The following AS3MT variants were observed in gnomAD, a reference collection of about 807,000 sequenced individuals.
AS3MT encodes S-adenosyl-L-methionine:arsenic(III) methyltransferase.
AS3MT carries 47 observed loss-of-function variants against 45.3 expected under a neutral mutation model. The ratio of observed to expected loss-of-function variants is 1.04; its 90% CI spans 0.82 to 1.32. AS3MT has a LOEUF of 1.32. AS3MT is among the 40% of genes most tolerant of loss of function. The pLI is 0.00. For synonymous variants in AS3MT, 141 were observed against 152.8 expected, an observed-to-expected ratio of 0.92 and a Z score of 0.57; for missense variants, 396 against 451.1, an observed-to-expected ratio of 0.88 and a Z score of 1.11.
intron 9 of AS3MT, among the ~76,000 whole-genome samples, chr10:102,889,614 G>GCCTGCCTTCCTTCCTTCCTT (rs559139049): frequency 2.5e-4 from 28 of 114,050 alleles, no homozygotes; most frequent in African/African-American, 8.7e-4. Context: ...CTGTCTGCCT[G>GCCTGCCTTCCTTCCTTCCTT]CCTTCCTTCC....
chr10:102,875,144 C>A (rs936404725), intron 6 of AS3MT, among the ~76,000 whole-genome samples: 6 of 152,134 alleles, frequency 3.9e-5, no homozygotes, highest in Admixed American at 3.9e-4. Context: ...AGCTCCACAG[C>A]CTTCATTGTA....
chr10:102,898,467 G>A (rs1845217181), intron 10 of AS3MT, among the ~76,000 whole-genome samples: 1 of 152,004 alleles, frequency 6.6e-6, no homozygotes, highest in Admixed American at 6.6e-5. Flanking sequence ...GTGGTGGCGG[G>A]TGCCTGTAAT....
chr10:102,871,371 C>A (rs1163282166), intron 3 of AS3MT, among the ~76,000 whole-genome samples: 2 of 151,834 alleles, frequency 1.3e-5, no homozygotes, highest in African/African-American at 4.8e-5. Context: ...ATGGTGAAAC[C>A]CCGTCTCTAC....
chr10:102,875,838 A>G (rs12770034), intron 6 of AS3MT, among the ~76,000 whole-genome samples: 57,066 of 151,678 alleles, frequency 0.38, 10,956 homozygotes, highest in East Asian at 0.56. Flanking sequence ...GGTCAGGCTG[A>G]TCTTGAACTC....
intron 7 of AS3MT, among the ~76,000 whole-genome samples, 179 bp downstream of exon 7, chr10:102,877,214 C>A (rs2134114387): frequency 6.6e-6 from 1 of 152,352 alleles, no homozygotes; most frequent in Non-Finnish European, 1.5e-5. Flanking sequence ...TAATTCATCT[C>A]TTTGAGTTAT....
chr10:102,892,909 G>T (rs942061177), intron 10 of AS3MT, among the ~76,000 whole-genome samples: 4 of 151,864 alleles, frequency 2.6e-5, no homozygotes, highest in African/African-American at 9.7e-5. Flanking sequence ...GAGCCCGGGA[G>T]GCGGAGGTTG....
intron 10 of AS3MT, among the ~76,000 whole-genome samples, chr10:102,897,543 T>C (rs12219346): frequency 0.3 from 44,982 of 150,346 alleles, 6,989 homozygotes; most frequent in East Asian, 0.48. Flanking sequence ...GATCTTGGCT[T>C]ACTCCTCCGC....
rs1419596107 is a variant in AS3MT at position 102,900,950 on chromosome 10, G to A, written c.*250G>A. 2 of 367,838 alleles carry A rather than the reference G, an allele frequency of 5.4e-6. No individual in the cohort carries two copies. Among genetic ancestry groups the A allele is most frequent in the East Asian group, 1.1e-4 (2 of 17,748 alleles). The allele number at this position is 367,838 out of a possible 1,614,324, so 22.8% of individuals were successfully genotyped here. Reference sequence around the variant, plus strand: ...AATACAAAAAAAATTAGCTGGGCATGGTGGTGCACACCTATAGTCTCAGCT... The same window carrying A: ...AATACAAAAAAAATTAGCTGGGCATAGTGGTGCACACCTATAGTCTCAGCT... On this transcript the variant is annotated 3_prime_UTR_variant, in exon 11 of 11. Coordinates refer to ENST00000369880, the MANE Select transcript of AS3MT (RefSeq NM_020682.4).
chr10:102,900,647 A>T lies in AS3MT; in HGVS notation c.1075A>T (p.Arg359Ter), dbSNP rs1845255312. Residue 359 changes from arginine to a stop codon, truncating the protein, a stop_gained, in exon 11 of 11, where the codon AGA (arginine) becomes TGA (stop). Transcript: ENST00000369880. LOFTEE classifies it low-confidence loss of function (END_TRUNC). ...AGAAGAGTCTGACAGTATGAAGTCC[A>T]GATGTGTCCCTGATGCTGCTGGAGG... is the stretch of plus-strand genomic sequence containing the variant. ...LAEESDSMKSRCVPDAAGGCC... is the reference protein window; with the variant it reads ...LAEESDSMKS The T allele has an allele frequency of 6.2e-7, 1 of 1,614,096 alleles. No homozygotes were observed. Among genetic ancestry groups the T allele is most frequent in the Admixed American group, 1.7e-5 (1 of 59,996 alleles).
chr10:102,886,413 C>T (rs1480050628), intron 9 of AS3MT, among the ~76,000 whole-genome samples: 1 of 151,802 alleles, frequency 6.6e-6, no homozygotes, highest in Non-Finnish European at 1.5e-5. Flanking sequence ...CAACCTCCAC[C>T]TCCCGGGTTC....
intron 9 of AS3MT, among the ~76,000 whole-genome samples, chr10:102,880,424 C>G (rs925514040): frequency 6.6e-6 from 1 of 152,142 alleles, no homozygotes; most frequent in African/African-American, 2.4e-5. Context: ...CCAAAACTTT[C>G]CCTTTCCTAT....
chr10:102,892,545 C>T (rs1845087510), intron 10 of AS3MT, among the ~76,000 whole-genome samples: 2 of 152,216 alleles, frequency 1.3e-5, no homozygotes, highest in Middle Eastern at 3.4e-3. Context: ...CCATCCCAAT[C>T]ATAAAGAATT....
At chr10:102,894,468 T>A (rs1051007574) in intron 10 of AS3MT, among the ~76,000 whole-genome samples, 3 of 151,780 alleles carry the variant, frequency 2.0e-5, no homozygotes, top group African/African-American at 7.3e-5. Flanking sequence ...AATAAAATTA[T>A]AAACCCTCAA....
chr10:102,882,984 A>G (rs1283563054), intron 9 of AS3MT, among the ~76,000 whole-genome samples: 1 of 152,196 alleles, frequency 6.6e-6, no homozygotes, highest in Admixed American at 6.6e-5. Context: ...CTATTCCAGT[A>G]GATACACAGA....
Position 102,877,001 on chromosome 10 carries a change from G to T in AS3MT, c.576G>T (p.Leu192=), listed in dbSNP as rs1446276785. The T allele has an allele frequency of 6.2e-7, 1 of 1,614,166 alleles. No homozygotes were observed. Among genetic ancestry groups the T allele is most frequent in the East Asian group, 2.2e-5 (1 of 44,868 alleles). ...YFSDVYTSLE[L]PEEIRTHKVL... ...GTGACGTCTATACGAGCCTTGAACT[G>T]CCAGAAGAAATCAGGACACACAAAG... The change falls in exon 7 of 11, where the codon CTG becomes CTT. Residue 192 remains leucine (L), a synonymous_variant. Transcript: ENST00000369880.
intron 9 of AS3MT, 103 bp downstream of exon 9, chr10:102,879,094 G>A: frequency 7.6e-7 from 1 of 1,324,338 alleles, no homozygotes; most frequent in Non-Finnish European, 1.0e-6. Flanking sequence ...TTCTGGTGTT[G>A]GTTTGTTTGT....
chr10:102,871,546 CAAAAA>C (rs748797211), intron 3 of AS3MT, among the ~76,000 whole-genome samples: 23 of 23,282 alleles, frequency 9.9e-4, no homozygotes, highest in African/African-American at 4.6e-3. Flanking sequence ...GACTCCGTCT[CAAAAA>C]AAAAAAAAAA....
chr10:102,895,087 C>T (rs1845141095), intron 10 of AS3MT, among the ~76,000 whole-genome samples: 1 of 152,092 alleles, frequency 6.6e-6, no homozygotes, highest in African/African-American at 2.4e-5. Flanking sequence ...TTTTTGTTGA[C>T]AATGTTTAAC....
chr10:102,899,353 G>T (rs1845234775), intron 10 of AS3MT, among the ~76,000 whole-genome samples: 1 of 152,148 alleles, frequency 6.6e-6, no homozygotes, highest in Non-Finnish European at 1.5e-5. Flanking sequence ...AAATGCAATT[G>T]ATGTGAAGTC....
Sources: allele counts gnomAD v4.1 joint callset (sites outside exome capture counted in the v4.1 genomes callset), GRCh38; gene constraint gnomAD v4.1.1; transcripts MANE v1.5; gene names NCBI Gene and HGNC (gene_info 2026-07-23, HGNC 2026-07-21).